DIS3L2: variants seen among roughly 807,000 people sequenced by gnomAD.
The protein encoded by DIS3L2 is DIS3 like 3'-5' exoribonuclease 2, also known as DIS3-like exonuclease 2.
DIS3L2 carries 34 observed loss-of-function variants against 97.5 expected under a neutral mutation model. The observed-to-expected ratio is 0.35, with a 90% CI of 0.27 to 0.46. The LOEUF is 0.46. DIS3L2 is among the 20% of genes least tolerant of loss of function. The pLI is 1.00. For synonymous variants in DIS3L2, 435 were observed against 445.2 expected, an observed-to-expected ratio of 0.98 and a Z score of 0.29; for missense variants, 1,038 against 1,146.0, an observed-to-expected ratio of 0.91 and a Z score of 1.36.
At chr2:232,190,791 G>A (rs1180908283) in intron 9 of DIS3L2, among the ~76,000 whole-genome samples, 1 of 151,980 alleles carries the variant, frequency 6.6e-6, no homozygotes, top group Non-Finnish European at 1.5e-5. Flanking sequence ...AGAGGACCAA[G>A]GATAGACTGT....
At position 231,981,926 on chromosome 2, in the gene DIS3L2, C is replaced by T. The variant is rs932145437; in HGVS notation, c.-94+20161C>T. 6.6e-5 allele frequency among the ~76,000 whole-genome samples: 10 copies of T among 150,860 alleles called. No homozygotes were observed. In the East Asian group the frequency reaches 7.8e-4, roughly 12 times the overall value. On this transcript the variant is annotated intron_variant, in intron 1 of 20. Transcript: ENST00000325385. ...GTGCGTGCCTGTAATCCCAGCTACT[C>T]GGGAGGCTGAGGCATGAGAATCGCT...
intron 6 of DIS3L2, among the ~76,000 whole-genome samples, chr2:232,124,869 CTT>C (rs1698010687): frequency 6.6e-6 from 1 of 152,106 alleles, no homozygotes; most frequent in Admixed American, 6.5e-5. Flanking sequence ...CCAGGATAAC[CTT>C]TTCTCATTAA....
At chr2:232,028,317 A>G (rs1694715567) in intron 4 of DIS3L2, among the ~76,000 whole-genome samples, 2 of 152,154 alleles carry the variant, frequency 1.3e-5, no homozygotes, top group Admixed American at 6.5e-5. Flanking sequence ...TGGCCTAAAA[A>G]AGTGGTTAAA....
intron 1 of DIS3L2, among the ~76,000 whole-genome samples, chr2:231,994,531 A>G (rs963486012): frequency 2.0e-5 from 3 of 152,162 alleles, no homozygotes; most frequent in African/African-American, 4.8e-5. Context: ...TAGGTGGAAC[A>G]TAGGAAGCTT....
At chr2:232,316,780 CTTTAG>C (rs1695287880) in intron 14 of DIS3L2, among the ~76,000 whole-genome samples, 1 of 152,210 alleles carries the variant, frequency 6.6e-6, no homozygotes, top group Non-Finnish European at 1.5e-5. Flanking sequence ...AATTGTTCTT[CTTTAG>C]TTTAACAGCC....
chr2:232,308,264 C>T (rs1342390607), intron 14 of DIS3L2, among the ~76,000 whole-genome samples: 2 of 152,212 alleles, frequency 1.3e-5, no homozygotes, highest in African/African-American at 4.8e-5. Flanking sequence ...CAGGCCCTAG[C>T]TTTGGGGTGC....
chr2:232,341,255 G>T (rs187953284), downstream of DIS3L2, among the ~76,000 whole-genome samples: 483 of 152,358 alleles, frequency 3.2e-3, 6 homozygotes, highest in Admixed American at 0.029. Context: ...CGGGACAGTG[G>T]TGAGGGAGCA....
intron 11 of DIS3L2, among the ~76,000 whole-genome samples, chr2:232,244,470 G>C (rs1693191948): frequency 6.6e-6 from 1 of 151,974 alleles, no homozygotes; most frequent in South Asian, 2.1e-4. Flanking sequence ...GCTGAACTTT[G>C]TCTTCTCCAT....
intron 1 of DIS3L2, among the ~76,000 whole-genome samples, chr2:231,975,949 T>C (rs1014797289): frequency 6.6e-5 from 10 of 152,174 alleles, no homozygotes; most frequent in African/African-American, 2.4e-4. Flanking sequence ...TCTCTCTCTC[T>C]TACTCTCTTT....
At chr2:232,245,206 C>T (rs144865786) in intron 11 of DIS3L2, among the ~76,000 whole-genome samples, 2 of 152,288 alleles carry the variant, frequency 1.3e-5, no homozygotes, top group African/African-American at 2.4e-5. Context: ...CATGGTGTTC[C>T]ACACTTATCA....
At chr2:232,261,365 G>T (rs115629880) in intron 12 of DIS3L2, among the ~76,000 whole-genome samples, 1,946 of 152,260 alleles carry the variant, frequency 0.013, 49 homozygotes, top group African/African-American at 0.045. Context: ...CCTCTGTTCT[G>T]CTCATTCCAA....
intron 13 of DIS3L2, among the ~76,000 whole-genome samples, chr2:232,267,976 T>C (rs1693894174): frequency 6.6e-6 from 1 of 152,224 alleles, no homozygotes; most frequent in Non-Finnish European, 1.5e-5. Context: ...CTACACCTAC[T>C]GCCTGCTGGG....
chr2:232,113,526 C>G (rs1205175081), intron 6 of DIS3L2, among the ~76,000 whole-genome samples: 1 of 152,182 alleles, frequency 6.6e-6, no homozygotes, highest in Non-Finnish European at 1.5e-5. Flanking sequence ...CACTATGCCT[C>G]TGATAGCAGG....
chr2:232,074,050 G>A (rs1696113758), intron 5 of DIS3L2, among the ~76,000 whole-genome samples: 1 of 152,166 alleles, frequency 6.6e-6, no homozygotes. Flanking sequence ...TTTTCAAGTT[G>A]GGGAGCAGTT....
At chr2:232,244,887 G>C (rs941920788) in intron 11 of DIS3L2, among the ~76,000 whole-genome samples, 1 of 152,138 alleles carries the variant, frequency 6.6e-6, no homozygotes, top group Non-Finnish European at 1.5e-5. Flanking sequence ...AGACAGCTTA[G>C]CAACTCACCT....
rs1316572701 is a variant in DIS3L2, at chr2:232,223,941, A to G, written c.1204+13536A>G. Among the ~76,000 whole-genome samples the G allele has an allele frequency of 2.6e-5, 4 of 152,316 alleles. No homozygotes were observed. The East Asian group carries it at 7.7e-4, about 29-fold the overall frequency. Reference sequence around the variant, plus strand: ...CATCTCTACAAAAATTACAACAATTAGCTGGATGTGGTGGTGCACGTCTAT... The same window carrying G: ...CATCTCTACAAAAATTACAACAATTGGCTGGATGTGGTGGTGCACGTCTAT... On this transcript the variant is annotated intron_variant, in intron 10 of 20. Coordinates refer to ENST00000325385, the MANE Select transcript of DIS3L2 (RefSeq NM_152383.5).
At position 232,015,397 on chromosome 2, in the gene DIS3L2, G is replaced by T; in HGVS notation, c.53-117G>T. The stretch of plus-strand genomic sequence containing the variant: ...GTTATTGTTAAAAATCACCATCAGG[G>T]AGTTTCAGTCTCTTGTTGGTCTCTT... On this transcript the variant is annotated intron_variant, in intron 2 of 20. Transcript: ENST00000325385. 3.8e-6 allele frequency: 5 copies of T among 1,312,610 alleles called. No homozygotes were observed. The Middle Eastern group carries it at 5.8e-4, about 152-fold the overall frequency. The allele number at this position is 1,312,610 out of a possible 1,614,324, so 81.3% of individuals were successfully genotyped here. A position where few individuals can be genotyped will look rare whatever the true frequency, so the allele number is the denominator to read the frequency against.
At chr2:231,995,503 C>T (rs1203527757) in intron 1 of DIS3L2, among the ~76,000 whole-genome samples, 6 of 152,082 alleles carry the variant, frequency 3.9e-5, no homozygotes, top group Non-Finnish European at 8.8e-5. Flanking sequence ...AGATTGTTCC[C>T]CTTCAAGGGT....
At chr2:232,342,307 A>G (rs192087902) in intron 13 of DIS3L2, among the ~76,000 whole-genome samples, 11 of 151,348 alleles carry the variant, frequency 7.3e-5, no homozygotes, top group African/African-American at 1.9e-4. Context: ...ACACATATAT[A>G]CATATATACA....
Sources: allele counts gnomAD v4.1 joint callset (sites outside exome capture counted in the v4.1 genomes callset), GRCh38; gene constraint gnomAD v4.1.1; transcripts MANE v1.5; gene names NCBI Gene and HGNC (gene_info 2026-07-23, HGNC 2026-07-21).